The following HELZ2 variants were observed in gnomAD, a reference collection of about 807,000 sequenced individuals.
HELZ2 encodes the protein helicase with zinc finger 2, also known as 3'-5' exoribonuclease HELZ2.
A neutral mutation model predicts 208.8 loss-of-function variants in HELZ2; 143 were observed. The observed-to-expected ratio is 0.68, with a 90% CI of 0.60 to 0.79. The LOEUF is 0.79. HELZ2 is among the 30% of genes least tolerant of loss of function. The probability of loss-of-function intolerance (pLI) is 0.00; values close to 1 mark genes in which losing one functional copy is unlikely to be tolerated. For missense variants in HELZ2, 3,690 were observed against 3,794.5 expected (o/e 0.97, Z 0.72); for synonymous variants, 1,705 against 1,693.7 (o/e 1.01, Z -0.16).
exon 8 of HELZ2, chr20:63,565,431 G>A: frequency 6.2e-7 from 1 of 1,610,632 alleles, no homozygotes. Context: ...AAAGAGCAGT[G>A]GCGGTACCGC....
chr20:63,569,451 A>G, exon 4 of HELZ2: 2 of 1,609,766 alleles, frequency 1.2e-6, no homozygotes, highest in Non-Finnish European at 1.7e-6. Context: ...TTGTAGCAGC[A>G]CCGGCCGGCG....
rs371789234 is a variant in HELZ2 at position 63,567,440 on chromosome 20, G to A, written c.1918C>T (p.Arg640Trp). The A allele has an allele frequency of 1.8e-4, 282 of 1,561,474 alleles. No individual in the cohort carries two copies. The Middle Eastern group carries it at 2.0e-3, about 11-fold the overall frequency. ...GTGGTGGTGACCACCACGCGGTGCC[G>A]CGCCAGCTCTGCCCGTGTGGGCGGG... The change falls in exon 6 of 19, where the codon CGG (arginine) becomes TGG (tryptophan). Residue 640 changes from arginine to tryptophan, a missense_variant. Arg to Trp is a moderately radical substitution (Grantham distance 101). Transcript: ENST00000467148.
chr20:63,564,631 A>G (rs767904874), exon 8 of HELZ2: 1 of 1,567,754 alleles, frequency 6.4e-7, no homozygotes, highest in South Asian at 1.2e-5. Context: ...TGCCGGGGGC[A>G]TAGAACGCAG....
chr20:63,564,559 G>C (rs1387266795), exon 8 of HELZ2: 1 of 1,568,542 alleles, frequency 6.4e-7, no homozygotes. Flanking sequence ...GGCGGTCCCG[G>C]CCAGGCAGGA....
chr20:63,566,062 G>T (rs777948394), exon 8 of HELZ2: 2 of 1,588,854 alleles, frequency 1.3e-6, no homozygotes, highest in East Asian at 2.3e-5. Flanking sequence ...AGGCCCCGAA[G>T]GAGCAGAGGG....
At position 63,569,362 on chromosome 20, in the gene HELZ2, C is replaced by T. The variant is rs1444803684; in HGVS notation, c.874G>A (p.Glu292Lys). ...TGGCGGTTGCCAGTGTGCCAGCGCT[C>T]CATCTCCTCAGGGTGGCCGAGCGCC... The change falls in exon 4 of 19, where the codon GAG (glutamate) becomes AAG (lysine). Residue 292 changes from glutamate to lysine, a missense_variant. Around this residue, in one of 3 missense-constraint regions of HELZ2, gnomAD observed 1,119 missense variants for 1,193.4 expected, o/e 0.94. Transcript: ENST00000467148. The T allele has an allele frequency of 6.8e-6, 11 of 1,607,326 alleles. No individual in the cohort carries two copies. The highest frequency in any genetic ancestry group is 1.7e-5 in the Admixed American group (1 of 59,724).
Position 63,561,999 on chromosome 20 carries a change from T to C in HELZ2, c.6530-15A>G. 6.3e-7 allele frequency: 1 copy of C among 1,594,650 alleles called. No homozygotes were observed. Among genetic ancestry groups the C allele is most frequent in the Non-Finnish European group, 8.6e-7 (1 of 1,167,616 alleles). On this transcript the variant is annotated splice_polypyrimidine_tract_variant and intron_variant, in intron 10 of 18. Transcript: ENST00000467148. ...CTTCCCTGTACCTGCAGCCAGAGAATAGGAGATTGTAGCCCACCCTGTGGG... is the reference window on the plus strand; with the variant it reads ...CTTCCCTGTACCTGCAGCCAGAGAACAGGAGATTGTAGCCCACCCTGTGGG...
At chr20:63,564,302 TAGA>T in exon 8 of HELZ2, 1 of 1,605,834 alleles carries the variant, frequency 6.2e-7, no homozygotes, top group Non-Finnish European at 8.5e-7. Context: ...CGGCTGCTCA[TAGA>T]AGCAGTCGGA....
At chr20:63,565,578 T>C in exon 8 of HELZ2, 1 of 1,608,916 alleles carries the variant, frequency 6.2e-7, no homozygotes. Flanking sequence ...ACCTTCTGGC[T>C]CTCGTCCAGA....
exon 16 of HELZ2, chr20:63,560,516 T>C (rs1392638239): frequency 6.3e-7 from 1 of 1,589,634 alleles, no homozygotes; most frequent in Non-Finnish European, 8.5e-7. Flanking sequence ...CTTGGAGTTC[T>C]CATTCCCTTC....
exon 18 of HELZ2, chr20:63,559,934 G>C: frequency 6.2e-7 from 1 of 1,610,060 alleles, no homozygotes; most frequent in Non-Finnish European, 8.5e-7. Flanking sequence ...TCACCGATCA[G>C]GCAGAGCCCC....
At chr20:63,566,932 TCGA>T in exon 6 of HELZ2, 1 of 1,610,508 alleles carries the variant, frequency 6.2e-7, no homozygotes, top group Non-Finnish European at 8.5e-7. Flanking sequence ...CTGCACCTTC[TCGA>T]CGACCTGCGC....
exon 15 of HELZ2, chr20:63,560,835 T>G: frequency 1.2e-6 from 2 of 1,613,062 alleles, no homozygotes; most frequent in Non-Finnish European, 1.7e-6. Context: ...GTCCTCGTGG[T>G]ACCGCTCGAA....
intron 3 of HELZ2, 43 bp from the exon 5 acceptor site, chr20:63,569,708 C>A (rs1018065203): frequency 4.8e-6 from 7 of 1,460,774 alleles, no homozygotes; most frequent in Non-Finnish European, 6.3e-6. Flanking sequence ...AGGGCTCCCC[C>A]CAACCCTCCC....
intron 3 of HELZ2, 24 bp downstream of exon 4, chr20:63,570,480 C>T: frequency 6.3e-7 from 1 of 1,593,950 alleles, no homozygotes; most frequent in Non-Finnish European, 8.6e-7. Flanking sequence ...TCCCTCCGCC[C>T]AGTCGGAGCT....
chr20:63,570,162 A>G (rs2083003372), intron 3 of HELZ2: 2 of 418,994 alleles, frequency 4.8e-6, no homozygotes, highest in Non-Finnish European at 9.2e-6. Flanking sequence ...GTTTCACCCT[A>G]TTGGCCAGGC....
chr20:63,565,679 C>A (rs1405819691), exon 8 of HELZ2: 1 of 1,609,078 alleles, frequency 6.2e-7, no homozygotes, highest in Non-Finnish European at 8.5e-7. Flanking sequence ...GGACTCCACG[C>A]CCGCTGCAGC....
Position 63,565,035 on chromosome 20 carries a change from G to A in HELZ2, c.3787C>T (p.Arg1263Trp), listed in dbSNP as rs768705801. The change falls in exon 8 of 19, where the codon CGG becomes TGG. Residue 1263 changes from arginine (R) to tryptophan (W), a missense_variant. Around this residue, in one of 3 missense-constraint regions of HELZ2, gnomAD observed 2,564 missense variants for 2,580.5 expected, o/e 0.99. Transcript: ENST00000467148. The stretch of plus-strand genomic sequence containing the variant: ...AGGACAATTTGGACCCAGAAGAGCC[G>A]GCTGTGCCGGGCCTCGGCGGTGAGC... The A allele has an allele frequency of 1.0e-5, 16 of 1,571,862 alleles. No individual in the cohort carries two copies. Among genetic ancestry groups the A allele is most frequent in the South Asian group, 1.1e-5 (1 of 87,636 alleles).
At chr20:63,568,180 C>A (rs570892544) in intron 5 of HELZ2, 178 bp downstream of exon 6, 811 of 614,004 alleles carry the variant, frequency 1.3e-3, no homozygotes, top group Non-Finnish European at 2.0e-3. Context: ...CACCTGACAG[C>A]AGACCCGGCC....
Sources: gnomAD v4.1 joint callset for allele counts on GRCh38, gnomAD v4.1.1 for gene constraint, gnomAD v4.1.1 regional missense constraint, MANE v1.5 for transcripts, NCBI Gene and HGNC (gene_info 2026-07-23, HGNC 2026-07-21) for gene names.